COA1: variants seen among roughly 807,000 people sequenced by gnomAD.
The protein encoded by COA1 is cytochrome c oxidase assembly factor 1 homolog.
Under a neutral mutation model 16.0 loss-of-function variants are expected in COA1, and 13 were observed. That is an observed-to-expected ratio of 0.81 (90% confidence interval 0.53 to 1.29). The LOEUF is 1.29. Among genes scored for constraint, COA1 ranks in the 50% most tolerant of loss-of-function variants. The pLI, the probability that COA1 is intolerant of heterozygous loss-of-function variation, is 0.00. For missense variants in COA1, 179 were observed against 177.0 expected, an observed-to-expected ratio of 1.01 and a Z score of -0.06; for synonymous variants, 65 against 65.7, an observed-to-expected ratio of 0.99 and a Z score of 0.05.
intron 1 of COA1, among the ~76,000 whole-genome samples, chr7:43,664,109 G>GAGAGAGAGAGAGAGAGAC: frequency 6.8e-6 from 1 of 147,084 alleles, no homozygotes; most frequent in South Asian, 2.1e-4. Context: ...TAGAAAGAGA[G>GAGAGAGAGAGAGAGAGAC]AGAGAGAGAG....
chr7:43,653,192 G>C (rs2091153098), intron 1 of COA1, among the ~76,000 whole-genome samples: 1 of 151,914 alleles, frequency 6.6e-6, no homozygotes, highest in Non-Finnish European at 1.5e-5. Flanking sequence ...GGCACCCGTA[G>C]TCCCAGCTAC....
chr7:43,685,127 G>C (rs1490455242), intron 1 of COA1, among the ~76,000 whole-genome samples: 1 of 148,890 alleles, frequency 6.7e-6, no homozygotes, highest in Admixed American at 6.7e-5. Context: ...CCAGCAGCCT[G>C]GGCAACAGAA....
chr7:43,697,125 C>CA (rs1254359485), intron 1 of COA1, among the ~76,000 whole-genome samples: 2 of 149,958 alleles, frequency 1.3e-5, no homozygotes, highest in African/African-American at 4.9e-5. Flanking sequence ...TCTCAAAAAA[C>CA]AAAAAACAAA....
At chr7:43,691,054 C>CAA (rs1173049196) in intron 1 of COA1, among the ~76,000 whole-genome samples, 563 of 39,936 alleles carry the variant, frequency 0.014, 20 homozygotes, top group Non-Finnish European at 0.017. Context: ...CTCATCACTA[C>CAA]AAAAAAAAAA....
chr7:43,729,224 C>A (rs879041837), intron 1 of COA1, among the ~76,000 whole-genome samples: 1 of 152,218 alleles, frequency 6.6e-6, no homozygotes, highest in African/African-American at 2.4e-5. Flanking sequence ...TCCGAGCGGA[C>A]GGAGCCACTG....
chr7:43,722,354 C>T (rs2095524223), intron 1 of COA1, among the ~76,000 whole-genome samples: 1 of 152,156 alleles, frequency 6.6e-6, no homozygotes, highest in Non-Finnish European at 1.5e-5. Context: ...CTTGGCCCCC[C>T]AAAGTGCTGG....
intron 1 of COA1, among the ~76,000 whole-genome samples, chr7:43,667,064 T>C (rs1245844113): frequency 6.6e-6 from 1 of 152,148 alleles, no homozygotes; most frequent in Non-Finnish European, 1.5e-5. Context: ...TAGAAACAAA[T>C]TGGGGTTAAC....
chr7:43,624,516 A>G (rs1207074365), intron 6 of COA1: 2 of 1,607,170 alleles, frequency 1.2e-6, no homozygotes, highest in Non-Finnish European at 1.7e-6. Flanking sequence ...GTATCTTTAC[A>G]GAGATCGAGC....
In COA1 at chr7:43,645,253, T is replaced by A. The variant is rs982732082; in HGVS notation, c.262A>T (p.Lys88Ter). 2 of 1,613,738 alleles carry A rather than the reference T, an allele frequency of 1.2e-6. No individual in the cohort carries two copies. Among genetic ancestry groups the A allele is most frequent in the African/African-American group, 2.7e-5 (2 of 74,884 alleles). Residue 88 changes from lysine to a stop codon, truncating the protein, a stop_gained and splice_region_variant, in exon 4 of 6, where the codon AAG (lysine) becomes TAG (stop). Coordinates refer to ENST00000223336, the MANE Select transcript of COA1 (RefSeq NM_018224.4). LOFTEE classifies it high-confidence loss of function. ...RENFVDIVDAKLKIPVSGSKS... is the reference protein window; with the variant it reads ...RENFVDIVDA ...GGTTCGCAGGGAAAGCACATTACCT[T>A]GGCATCAACAATGTCCACGAAGTTT...
At chr7:43,718,394 T>C (rs2095438183) in intron 1 of COA1, among the ~76,000 whole-genome samples, 1 of 152,214 alleles carries the variant, frequency 6.6e-6, no homozygotes, top group South Asian at 2.1e-4. Flanking sequence ...GCTTTCCACT[T>C]GACATCAGTG....
intron 1 of COA1, among the ~76,000 whole-genome samples, chr7:43,663,666 CAAAAAAAAAA>C (rs759423078): frequency 1.4e-5 from 1 of 70,640 alleles, no homozygotes; most frequent in Non-Finnish European, 2.5e-5. Context: ...GACCCTATCT[CAAAAAAAAAA>C]AAAAAAAAAA....
intron 1 of COA1, among the ~76,000 whole-genome samples, chr7:43,701,510 C>T (rs2094737451): frequency 1.3e-5 from 2 of 152,148 alleles, no homozygotes; most frequent in South Asian, 4.1e-4. Flanking sequence ...TTATCCAGTC[C>T]ACCACTGATG....
chr7:43,609,622 C>A (rs1164228419), intron 6 of COA1: 1 of 152,218 alleles, frequency 6.6e-6, no homozygotes, highest in Non-Finnish European at 1.5e-5. Context: ...TGGTTACTTT[C>A]ATATCAAGTC....
chr7:43,615,197 A>T (rs1365844380), intron 6 of COA1, among the ~76,000 whole-genome samples: 2 of 152,020 alleles, frequency 1.3e-5, no homozygotes, highest in East Asian at 1.9e-4. Flanking sequence ...TTTGTTTTTG[A>T]TAGGGTCGTA....
At chr7:43,715,831 T>C (rs2095380587) in intron 1 of COA1, among the ~76,000 whole-genome samples, 1 of 152,160 alleles carries the variant, frequency 6.6e-6, no homozygotes, top group African/African-American at 2.4e-5. Context: ...CGTACTCCCA[T>C]AATTCCCACG....
At chr7:43,666,144 A>G (rs995383656) in intron 1 of COA1, among the ~76,000 whole-genome samples, 1 of 152,222 alleles carries the variant, frequency 6.6e-6, no homozygotes, top group African/African-American at 2.4e-5. Flanking sequence ...AAGATGTTCA[A>G]TCTTCTTTAA....
At chr7:43,657,555 G>A (rs1164476937) in intron 1 of COA1, among the ~76,000 whole-genome samples, 1 of 152,084 alleles carries the variant, frequency 6.6e-6, no homozygotes, top group Non-Finnish European at 1.5e-5. Context: ...CCAAAACCAG[G>A]CGCCGTGCTA....
intron 6 of COA1, chr7:43,626,676 C>G (rs1465823927): frequency 6.6e-6 from 1 of 152,160 alleles, no homozygotes; most frequent in Non-Finnish European, 1.5e-5. Flanking sequence ...AAAATAACCA[C>G]TATTGAATGA....
chr7:43,637,286 G>T (rs1210358942), downstream of COA1, among the ~76,000 whole-genome samples: 3 of 152,068 alleles, frequency 2.0e-5, no homozygotes, highest in African/African-American at 7.3e-5. Context: ...ACACTAGCTG[G>T]TAAGGAACTT....
Sources: gnomAD v4.1 joint callset for allele counts (sites outside exome capture counted in the v4.1 genomes callset) on GRCh38, gnomAD v4.1.1 for gene constraint, MANE v1.5 for transcripts, NCBI Gene and HGNC (gene_info 2026-07-23, HGNC 2026-07-21) for gene names.